AUTS2: variants seen among roughly 807,000 people sequenced by gnomAD.
AUTS2 encodes autism susceptibility gene 2 protein.
AUTS2 carries 17 observed loss-of-function variants against 112.4 expected under a neutral mutation model. The observed-to-expected ratio is 0.15, with a 90% CI of 0.10 to 0.23. The LOEUF (loss-of-function observed/expected upper bound fraction) is 0.23, where lower values mean the gene tolerates loss of function less well. Among genes scored for constraint, AUTS2 ranks in the 10% least tolerant of loss-of-function variants. AUTS2 has a pLI of 1.00. For missense variants in AUTS2, 1,510 were observed against 1,701.6 expected (o/e 0.89, Z 1.98); for synonymous variants, 751 against 702.7 (o/e 1.07, Z -1.09).
At chr7:69,812,232 T>G (rs1202744194) in intron 1 of AUTS2, among the ~76,000 whole-genome samples, 1 of 152,160 alleles carries the variant, frequency 6.6e-6, no homozygotes, top group African/African-American at 2.4e-5. Flanking sequence ...AAAAGCCATC[T>G]TTCCCCAACT....
In AUTS2 at chr7:70,553,859, C is replaced by T. The variant is rs369124512; in HGVS notation, c.690+118078C>T. Among the ~76,000 whole-genome samples, 219 of 144,634 alleles carry T rather than the reference C, an allele frequency of 1.5e-3. 3 individuals carry two copies. The highest frequency in any genetic ancestry group is 2.5e-3 in the African/African-American group (97 of 38,786). The allele number at this position is 144,634 out of a possible 152,430, so 94.9% of individuals were successfully genotyped here. A position where few individuals can be genotyped will look rare whatever the true frequency, so the allele number is the denominator to read the frequency against. ...TCGGCTCACTGCAACCTCCGCCTCCCGGGTTGAAGCAATTCTCCTGCCTCA... is the reference window on the plus strand; with the variant it reads ...TCGGCTCACTGCAACCTCCGCCTCCTGGGTTGAAGCAATTCTCCTGCCTCA... On this transcript the variant is annotated intron_variant, in intron 5 of 18. Transcript: ENST00000342771.
At chr7:70,224,661 A>G (rs1433170495) in intron 4 of AUTS2, among the ~76,000 whole-genome samples, 1 of 152,200 alleles carries the variant, frequency 6.6e-6, no homozygotes, top group African/African-American at 2.4e-5. Context: ...ATAATGTCCT[A>G]GGCCTTCACA....
intron 4 of AUTS2, among the ~76,000 whole-genome samples, chr7:70,169,737 A>G (rs1214749232): frequency 6.6e-6 from 1 of 152,216 alleles, no homozygotes; most frequent in Non-Finnish European, 1.5e-5. Context: ...CTAATGCCTC[A>G]AACTCATTTA....
chr7:70,224,841 G>A (rs1243628080), intron 4 of AUTS2, among the ~76,000 whole-genome samples: 1 of 152,124 alleles, frequency 6.6e-6, no homozygotes, highest in African/African-American at 2.4e-5. Flanking sequence ...CTTGCCATCA[G>A]GTTACAGTTG....
intron 2 of AUTS2, among the ~76,000 whole-genome samples, chr7:69,929,916 T>C (rs1796164396): frequency 6.6e-6 from 1 of 152,206 alleles, no homozygotes; most frequent in South Asian, 2.1e-4. Context: ...TTTTACCTTG[T>C]TGGATGCTAG....
chr7:70,016,970 C>T (rs1038810778), intron 2 of AUTS2, among the ~76,000 whole-genome samples: 24 of 152,102 alleles, frequency 1.6e-4, no homozygotes, highest in African/African-American at 5.6e-4. Context: ...GCCTGGCCTC[C>T]TTGACAGACT....
At chr7:70,212,104 A>C (rs2046265662) in intron 4 of AUTS2, among the ~76,000 whole-genome samples, 2 of 152,178 alleles carry the variant, frequency 1.3e-5, no homozygotes, top group Non-Finnish European at 2.9e-5. Flanking sequence ...AACTTTGCAC[A>C]CTTCTAGCCC....
intron 14 of AUTS2, among the ~76,000 whole-genome samples, chr7:70,779,106 T>C (rs542987690): frequency 3.3e-5 from 5 of 152,344 alleles, no homozygotes; most frequent in African/African-American, 1.2e-4. Flanking sequence ...AACTGTGCTA[T>C]GTACCATGCA....
chr7:70,315,166 A>C (rs1344780987), intron 4 of AUTS2, among the ~76,000 whole-genome samples: 2 of 152,126 alleles, frequency 1.3e-5, no homozygotes, highest in Non-Finnish European at 2.9e-5. Flanking sequence ...AAGCTGTTCC[A>C]CTTTGGATCT....
chr7:70,570,041 C>CGTA (rs746332664), intron 5 of AUTS2, among the ~76,000 whole-genome samples: 11 of 152,216 alleles, frequency 7.2e-5, no homozygotes, highest in Middle Eastern at 6.8e-3. Context: ...TTAGGAACCT[C>CGTA]GGATAGGAAG....
chr7:70,247,239 A>G (rs1051910514), intron 4 of AUTS2, among the ~76,000 whole-genome samples: 1 of 152,182 alleles, frequency 6.6e-6, no homozygotes, highest in Non-Finnish European at 1.5e-5. Flanking sequence ...CTTTGAAGAC[A>G]TTATGGTAAG....
At chr7:70,427,507 C>T (rs562094785) in intron 4 of AUTS2, among the ~76,000 whole-genome samples, 3 of 152,058 alleles carry the variant, frequency 2.0e-5, no homozygotes, top group Non-Finnish European at 2.9e-5. Flanking sequence ...TCCAATAACT[C>T]AACAATACTT....
intron 1 of AUTS2, among the ~76,000 whole-genome samples, chr7:69,815,180 G>A (rs1790703933): frequency 6.6e-6 from 1 of 152,134 alleles, no homozygotes; most frequent in Admixed American, 6.5e-5. Context: ...GATGTGCGTT[G>A]CTCCATAGCT....
At chr7:70,325,119 G>A (rs1212179339) in intron 4 of AUTS2, among the ~76,000 whole-genome samples, 1 of 152,098 alleles carries the variant, frequency 6.6e-6, no homozygotes, top group Non-Finnish European at 1.5e-5. Context: ...GTGGGAGGCT[G>A]GAAGGAGTGA....
intron 16 of AUTS2, 126 bp from the exon 17 acceptor site, chr7:70,785,829 A>AGTGGGACAGGC (rs1338438937): frequency 1.6e-5 from 13 of 791,298 alleles, no homozygotes; most frequent in Non-Finnish European, 2.7e-5. Context: ...TGGTAGGAAA[A>AGTGGGACAGGC]GTGGGACAGG....
At chr7:69,687,214 C>G (rs532247882) in intron 1 of AUTS2, among the ~76,000 whole-genome samples, 3 of 152,132 alleles carry the variant, frequency 2.0e-5, no homozygotes, top group Non-Finnish European at 4.4e-5. Flanking sequence ...AGTCAAATTT[C>G]TAATGATAAA....
At chr7:69,778,232 A>ATG (rs1788977682) in intron 1 of AUTS2, among the ~76,000 whole-genome samples, 4 of 72,538 alleles carry the variant, frequency 5.5e-5, no homozygotes, top group South Asian at 4.6e-4. Flanking sequence ...ATCCCCATAT[A>ATG]TATATATATA....
At chr7:69,820,193 A>G (rs1390450657) in intron 1 of AUTS2, among the ~76,000 whole-genome samples, 1 of 152,208 alleles carries the variant, frequency 6.6e-6, no homozygotes, top group Admixed American at 6.5e-5. Flanking sequence ...GGGAAGCTCC[A>G]TCACACTGGC....
intron 5 of AUTS2, among the ~76,000 whole-genome samples, chr7:70,685,401 A>T (rs1019816830): frequency 8.4e-5 from 12 of 143,702 alleles, no homozygotes; most frequent in African/African-American, 3.1e-4. Flanking sequence ...TGAACCAGGG[A>T]GGCGGAGGTT....
Sources: allele counts gnomAD v4.1 joint callset (sites outside exome capture counted in the v4.1 genomes callset), GRCh38; gene constraint gnomAD v4.1.1; transcripts MANE v1.5; gene names NCBI Gene and HGNC (gene_info 2026-07-23, HGNC 2026-07-21).